ZMYM2: variants seen among roughly 807,000 people sequenced by gnomAD.
ZMYM2 encodes the protein zinc finger MYM-type containing 2.
Under a neutral mutation model 162.8 loss-of-function variants are expected in ZMYM2, and 56 were observed. The observed-to-expected ratio is 0.34, with a 90% CI of 0.28 to 0.43. The LOEUF (loss-of-function observed/expected upper bound fraction) is 0.43. ZMYM2 is among the 20% of genes least tolerant of loss of function. The probability of loss-of-function intolerance (pLI) is 1.00; values close to 1 mark genes in which losing one functional copy is unlikely to be tolerated. For missense variants in ZMYM2, 1,275 were observed against 1,621.8 expected (o/e 0.79, Z 3.67); for synonymous variants, 510 against 541.6 (o/e 0.94, Z 0.81).
chr13:19,999,399 C>T (rs986070149), intron 3 of ZMYM2, among the ~76,000 whole-genome samples: 4 of 152,164 alleles, frequency 2.6e-5, no homozygotes, highest in Middle Eastern at 3.4e-3. Context: ...ATATCTGTTA[C>T]GGTGATCTGT....
rs1245476221 is a variant in ZMYM2, at chr13:20,082,144, CA to C, written c.3568+15del. On this transcript the variant is annotated intron_variant, in intron 22 of 24. Transcript: ENST00000610343. ...TACTTCCAGATGGTAATGCTATTTT[CA>C]CTAAAGGTGTTGCTCTCTTGATATT... 6.5e-7 allele frequency: 1 copy of C among 1,544,886 alleles called. No individual in the cohort carries two copies. Among genetic ancestry groups the C allele is most frequent in the East Asian group, 2.3e-5 (1 of 43,926 alleles).
At chr13:20,040,882 G>A (rs1416331635) in intron 12 of ZMYM2, among the ~76,000 whole-genome samples, 1 of 152,176 alleles carries the variant, frequency 6.6e-6, no homozygotes, top group African/African-American at 2.4e-5. Context: ...TTCAGAACAG[G>A]TTATTCAATT....
At chr13:19,881,980 CAAAAAAAA>C in the ZMYM2 span, among the ~76,000 whole-genome samples, 1 of 121,740 alleles carries the variant, frequency 8.2e-6, no homozygotes. Flanking sequence ...ACTCTGTATC[CAAAAAAAA>C]AAAAAAAAAA....
chr13:20,077,514 G>C (rs1242032428), intron 21 of ZMYM2, among the ~76,000 whole-genome samples: 1 of 150,334 alleles, frequency 6.7e-6, no homozygotes, highest in Non-Finnish European at 1.5e-5. Flanking sequence ...ACACAGAATT[G>C]GGACTAATTA....
At chr13:19,957,452 A>G (rs1406324170), upstream of ZMYM2, among the ~76,000 whole-genome samples, 6 of 152,242 alleles carry the variant, frequency 3.9e-5, no homozygotes, top group African/African-American at 1.2e-4. Flanking sequence ...TCTTTACGTG[A>G]GTCTTGGAAA....
At chr13:19,870,206 A>AG in the ZMYM2 span, among the ~76,000 whole-genome samples, 1 of 151,826 alleles carries the variant, frequency 6.6e-6, no homozygotes, top group Non-Finnish European at 1.5e-5. Flanking sequence ...CCCAGGCTGG[A>AG]GTGCAGCAGT....
upstream of ZMYM2, among the ~76,000 whole-genome samples, chr13:19,954,126 A>ATTTTTTTTTTTTT (rs781288600): frequency 2.2e-4 from 14 of 64,880 alleles, 3 homozygotes; most frequent in East Asian, 2.5e-3. Context: ...GCTATGTTTA[A>ATTTTTTTTTTTTT]TTTTTTTTTT....
chr13:19,885,873 GTATATACACATATATA>G, the ZMYM2 span, among the ~76,000 whole-genome samples: 5 of 65,822 alleles, frequency 7.6e-5, 2 homozygotes, highest in African/African-American at 2.5e-4. Context: ...ATATATATAT[GTATATACACATATATA>G]TGTGTATACA....
intron 24 of ZMYM2, 66 bp from the exon 25 acceptor site, chr13:20,085,755 GA>G: frequency 2.0e-6 from 3 of 1,477,302 alleles, no homozygotes; most frequent in Non-Finnish European, 2.7e-6. Flanking sequence ...AATTATTCTT[GA>G]AAAAAGAAAA....
At chr13:19,929,984 G>T in the ZMYM2 span, among the ~76,000 whole-genome samples, 8 of 152,178 alleles carry the variant, frequency 5.3e-5, no homozygotes, top group African/African-American at 1.9e-4. Context: ...TAAAGTCTGG[G>T]ATGGTAGTTC....
chr13:19,932,255 A>G, the ZMYM2 span, among the ~76,000 whole-genome samples: 210 of 152,296 alleles, frequency 1.4e-3, 1 homozygote, highest in Middle Eastern at 3.4e-3. Context: ...CCTAGCCCCA[A>G]TGTGATGGTA....
the ZMYM2 span, among the ~76,000 whole-genome samples, chr13:19,870,025 A>G: frequency 3.9e-5 from 6 of 152,194 alleles, no homozygotes; most frequent in Non-Finnish European, 5.9e-5. Context: ...TGCAGTCCAC[A>G]CGTAGGCCAG....
At chr13:19,889,567 G>A in the ZMYM2 span, among the ~76,000 whole-genome samples, 15 of 151,938 alleles carry the variant, frequency 9.9e-5, no homozygotes, top group Admixed American at 6.5e-4. Flanking sequence ...AGATCCGCCC[G>A]CCTCAGCCTC....
At chr13:19,984,502 T>C (rs1948980853) in intron 2 of ZMYM2, among the ~76,000 whole-genome samples, 1 of 152,242 alleles carries the variant, frequency 6.6e-6, no homozygotes, top group Admixed American at 6.5e-5. Flanking sequence ...AGAAAAGCCA[T>C]GTGAACTATT....
chr13:20,031,459 G>A, intron 10 of ZMYM2, 24 bp downstream of exon 10: 1 of 1,428,914 alleles, frequency 7.0e-7, no homozygotes, highest in Non-Finnish European at 9.6e-7. Flanking sequence ...TGTAATGTGT[G>A]TTATCTAATG....
chr13:19,882,064 G>T, the ZMYM2 span, among the ~76,000 whole-genome samples: 32 of 151,516 alleles, frequency 2.1e-4, no homozygotes, highest in East Asian at 6.2e-3. Flanking sequence ...TAAGGACTTA[G>T]ATATAAGAGC....
In ZMYM2 at chr13:19,977,976, A is replaced by G. The variant is rs376761203; in HGVS notation, c.-10-15087A>G. Among the ~76,000 whole-genome samples, 57 of 149,494 alleles carry G rather than the reference A, an allele frequency of 3.8e-4. No homozygotes were observed. The East Asian group carries it at 9.0e-3, about 24-fold the overall frequency. On this transcript the variant is annotated intron_variant, in intron 2 of 24. Transcript: ENST00000610343. The stretch of plus-strand genomic sequence containing the variant: ...ACTGCAAGCCCCGCCTCCCGGGTTC[A>G]TGCCATTATCCTGCCTCAGCCTCCT...
chr13:20,053,423 A>C (rs1249207293), intron 14 of ZMYM2, among the ~76,000 whole-genome samples: 3 of 152,170 alleles, frequency 2.0e-5, no homozygotes, highest in Admixed American at 6.6e-5. Flanking sequence ...CAACAAGGCA[A>C]GTGGATCACC....
chr13:19,970,094 C>T (rs1273480153), intron 2 of ZMYM2: 3 of 983,506 alleles, frequency 3.1e-6, no homozygotes, highest in Non-Finnish European at 3.6e-6. Flanking sequence ...TAAAAGCCCT[C>T]TACTCCATCT....
Sources: gnomAD v4.1 joint callset for allele counts (sites outside exome capture counted in the v4.1 genomes callset) on GRCh38, gnomAD v4.1.1 for gene constraint, MANE v1.5 for transcripts, NCBI Gene and HGNC (gene_info 2026-07-23, HGNC 2026-07-21) for gene names.